ESR1: variants seen among roughly 807,000 people sequenced by gnomAD.
The protein encoded by ESR1 is estrogen receptor.
A neutral mutation model predicts 52.7 loss-of-function variants in ESR1; 12 were observed. That is an observed-to-expected ratio of 0.23 (90% CI 0.15 to 0.37). The LOEUF (loss-of-function observed/expected upper bound fraction) is 0.37, where lower values mean the gene tolerates loss of function less well. Among genes scored for constraint, ESR1 ranks in the 10% least tolerant of loss-of-function variants. ESR1 has a pLI of 1.00. For missense variants in ESR1, 584 were observed against 779.7 expected (o/e 0.75, Z 2.99); for synonymous variants, 305 against 316.8 (o/e 0.96, Z 0.39).
intron 2 of ESR1, among the ~76,000 whole-genome samples, chr6:151,768,566 C>T (rs1195219602): frequency 6.6e-6 from 1 of 152,056 alleles, no homozygotes; most frequent in East Asian, 1.9e-4. Flanking sequence ...ATGTGAATTT[C>T]CTGACTTTGA....
intron 2 of ESR1, among the ~76,000 whole-genome samples, chr6:151,747,193 A>C (rs1490156637): frequency 6.6e-6 from 1 of 152,224 alleles, no homozygotes; most frequent in Admixed American, 6.5e-5. Flanking sequence ...GATGTGATGG[A>C]TAGAACATTT....
In ESR1 at chr6:151,750,413, G is replaced by A. The variant is rs140967689; in HGVS notation, c.-71+48408G>A. On this transcript the variant is annotated intron_variant, in intron 2 of 2. Coordinates refer to the ESR1 transcript ENST00000404742. ...TGTACAGTATGTTTAGTGGGACGGC[G>A]GGCAAGGGGGAAAAGTGGCATTTGG... Among the ~76,000 whole-genome samples, 344 of 152,228 alleles carry A rather than the reference G, an allele frequency of 2.3e-3. 2 individuals are homozygous for A. The highest frequency in any genetic ancestry group is 7.9e-3 in the African/African-American group (327 of 41,534).
intron 3 of ESR1, among the ~76,000 whole-genome samples, chr6:151,934,882 A>G (rs749256307): frequency 2.1e-4 from 32 of 152,244 alleles, no homozygotes; most frequent in Admixed American, 4.6e-4. Flanking sequence ...GCTCTGGCTT[A>G]TATAATAGCT....
chr6:151,819,662 A>G lies in ESR1; in HGVS notation c.452+11298A>G, dbSNP rs144842872. Among the ~76,000 whole-genome samples, 92 of 152,304 alleles carry G rather than the reference A, an allele frequency of 6.0e-4. 1 individual carries two copies. In the East Asian group the frequency reaches 0.016, roughly 27 times the overall value. On this transcript the variant is annotated intron_variant, in intron 1 of 7. Transcript: ENST00000206249. ...AAAACAAGTTCAGGGCTCTCACTGA[A>G]TCTACATTATGGTGAGTTGCATAAT...
intron 2 of ESR1, among the ~76,000 whole-genome samples, chr6:151,721,077 C>T (rs1781422083): frequency 6.6e-6 from 1 of 152,166 alleles, no homozygotes; most frequent in Non-Finnish European, 1.5e-5. Flanking sequence ...ACATTTGCCA[C>T]ATCAATAAAG....
At chr6:152,030,991 A>C (rs2044647273) in intron 5 of ESR1, among the ~76,000 whole-genome samples, 1 of 152,192 alleles carries the variant, frequency 6.6e-6, no homozygotes. Flanking sequence ...AACTCACTCA[A>C]AACCGCTCAA....
At chr6:151,661,803 T>C (rs572366404) in intron 1 of ESR1, among the ~76,000 whole-genome samples, 7 of 152,304 alleles carry the variant, frequency 4.6e-5, no homozygotes, top group African/African-American at 1.4e-4. Flanking sequence ...TTAAAAGTCT[T>C]TGGCAGTTTC....
chr6:151,686,554 G>A (rs1582890230), upstream of ESR1, among the ~76,000 whole-genome samples: 1 of 152,166 alleles, frequency 6.6e-6, no homozygotes, highest in Non-Finnish European at 1.5e-5. Context: ...CGGGCGTGGC[G>A]GCGGGCACCT....
chr6:151,709,210 C>T (rs1562345691), intron 2 of ESR1, among the ~76,000 whole-genome samples: 1 of 152,060 alleles, frequency 6.6e-6, no homozygotes, highest in Non-Finnish European at 1.5e-5. Context: ...TTAGACTCTA[C>T]ATATAAGTGA....
intron 4 of ESR1, among the ~76,000 whole-genome samples, 191 bp from the exon 5 acceptor site, chr6:152,011,465 C>T (rs1024830361): frequency 6.6e-6 from 1 of 152,070 alleles, no homozygotes; most frequent in African/African-American, 2.4e-5. Flanking sequence ...AACTTAATGC[C>T]ACATTGAAAT....
intron 3 of ESR1, among the ~76,000 whole-genome samples, chr6:151,910,341 A>C (rs1798083236): frequency 6.6e-6 from 1 of 152,208 alleles, no homozygotes; most frequent in African/African-American, 2.4e-5. Flanking sequence ...GGTAGCAGCA[A>C]ATCCTATATT....
rs79247812 is a variant in ESR1, at chr6:151,846,508, A to G, written c.643+3721A>G. On this transcript the variant is annotated intron_variant, in intron 2 of 7. Coordinates refer to ENST00000206249, the MANE Select transcript of ESR1 (RefSeq NM_000125.4). Reference sequence around the variant, plus strand: ...ATTTAAGGATGGTGAAGGGTCTGACACGTAGGTGGGAAGTTCTGAAGATGC... The same window carrying G: ...ATTTAAGGATGGTGAAGGGTCTGACGCGTAGGTGGGAAGTTCTGAAGATGC... 6.5e-3 allele frequency among the ~76,000 whole-genome samples: 985 copies of G among 152,334 alleles called. 9 individuals carry two copies. The highest frequency in any genetic ancestry group is 0.023 in the African/African-American group (946 of 41,586).
intron 2 of ESR1, among the ~76,000 whole-genome samples, chr6:151,709,477 C>T (rs1454847362): frequency 6.6e-6 from 1 of 152,092 alleles, no homozygotes; most frequent in Non-Finnish European, 1.5e-5. Flanking sequence ...ATACTGAATA[C>T]ATTCGCTTTG....
chr6:152,018,278 T>A (rs1179786678), intron 5 of ESR1, among the ~76,000 whole-genome samples: 2 of 151,652 alleles, frequency 1.3e-5, no homozygotes, highest in African/African-American at 4.8e-5. Flanking sequence ...CATTTTAGGT[T>A]GTTTATTGTA....
At position 151,776,508 on chromosome 6, in the gene ESR1, C is replaced by T. The variant is rs1437803311; in HGVS notation, c.-70-31335C>T. ...GAATTAGCTCTGCTGAATGAGTCCT[C>T]ACGCAGAGGCAGGGATAGAACGTTG... is the stretch of plus-strand genomic sequence containing the variant. On this transcript the variant is annotated intron_variant, in intron 2 of 2. Coordinates refer to the ESR1 transcript ENST00000404742. Among the ~76,000 whole-genome samples, 11 of 152,298 alleles carry T rather than the reference C, an allele frequency of 7.2e-5. No homozygotes were observed. The South Asian group carries it at 2.1e-3, about 29-fold the overall frequency.
intron 6 of ESR1, among the ~76,000 whole-genome samples, chr6:152,111,459 C>T (rs1339085346): frequency 1.3e-5 from 2 of 152,156 alleles, no homozygotes; most frequent in African/African-American, 4.8e-5. Context: ...CGCTGCTAGG[C>T]CTTTCTGCGG....
chr6:151,907,237 G>A (rs1402060247), intron 3 of ESR1, among the ~76,000 whole-genome samples: 2 of 152,068 alleles, frequency 1.3e-5, no homozygotes, highest in East Asian at 3.9e-4. Flanking sequence ...TTTCAAATGA[G>A]TTTTTAAATC....
At chr6:151,682,037 G>T (rs1778479864) in intron 1 of ESR1, among the ~76,000 whole-genome samples, 2 of 152,226 alleles carry the variant, frequency 1.3e-5, no homozygotes, top group Non-Finnish European at 2.9e-5. Flanking sequence ...ACACTCACAG[G>T]CCTATCAGCT....
At chr6:151,923,502 G>T (rs1363124204) in intron 3 of ESR1, among the ~76,000 whole-genome samples, 1 of 151,950 alleles carries the variant, frequency 6.6e-6, no homozygotes, top group African/African-American at 2.4e-5. Flanking sequence ...TTCCCACCTT[G>T]AACTCCTGAC....
Sources: allele counts gnomAD v4.1 joint callset (sites outside exome capture counted in the v4.1 genomes callset), GRCh38; gene constraint gnomAD v4.1.1; transcripts MANE v1.5; gene names NCBI Gene and HGNC (gene_info 2026-07-23, HGNC 2026-07-21).